Variants in KCNMB2 observed in about 807,000 individuals in gnomAD.
KCNMB2 encodes the protein potassium calcium-activated channel subfamily M regulatory beta subunit 2.
In KCNMB2, 9 loss-of-function variants were observed where a neutral mutation model predicts 24.5. The ratio of observed to expected loss-of-function variants is 0.37; its 90% CI spans 0.22 to 0.64. The LOEUF (loss-of-function observed/expected upper bound fraction) is 0.64. KCNMB2 is among the 30% of genes least tolerant of loss of function. The probability of loss-of-function intolerance (pLI) is 0.63; values close to 1 mark genes in which losing one functional copy is unlikely to be tolerated. For missense variants in KCNMB2, 226 were observed against 284.3 expected, an observed-to-expected ratio of 0.79 and a Z score of 1.47; for synonymous variants, 109 against 104.4, an observed-to-expected ratio of 1.04 and a Z score of -0.27.
intron 1 of KCNMB2, among the ~76,000 whole-genome samples, chr3:178,784,816 G>A (rs1008836283): frequency 1.4e-5 from 2 of 138,860 alleles, no homozygotes; most frequent in Admixed American, 1.5e-4. Flanking sequence ...CTTTTGCATT[G>A]TAAAAGTCTT....
intron 1 of KCNMB2, among the ~76,000 whole-genome samples, chr3:178,555,636 G>C (rs1209581077): frequency 6.6e-6 from 1 of 152,174 alleles, no homozygotes; most frequent in East Asian, 1.9e-4. Flanking sequence ...CATTTCCACT[G>C]TATTGCAGTT....
intron 2 of KCNMB2, among the ~76,000 whole-genome samples, chr3:178,810,902 CTTTT>C (rs56925343): frequency 9.3e-6 from 1 of 107,988 alleles, no homozygotes; most frequent in African/African-American, 3.7e-5. Flanking sequence ...ACCTGGCTAA[CTTTT>C]TTTTTTTTTT....
At chr3:178,823,927 T>G (rs1714732815) in intron 2 of KCNMB2, among the ~76,000 whole-genome samples, 1 of 151,638 alleles carries the variant, frequency 6.6e-6, no homozygotes, top group African/African-American at 2.4e-5. Context: ...AAAAAATGAC[T>G]TCAGTTTCTT....
At position 178,682,675 on chromosome 3, in the gene KCNMB2, CA is replaced by C. The variant is rs113899311; in HGVS notation, c.-67-124660del. ...TAAGAAACTTAAACAATTGAACAAG[CA>C]AAAAAAACCCTATTAAAAATGGGCA... On this transcript the variant is annotated intron_variant, in intron 1 of 4. Transcript: ENST00000452583. Among the ~76,000 whole-genome samples, 253 of 150,078 alleles carry C rather than the reference CA, an allele frequency of 1.7e-3. 1 individual carries two copies. Among genetic ancestry groups the C allele is most frequent in the African/African-American group, 5.9e-3 (241 of 40,880 alleles).
chr3:178,636,996 T>G (rs1477783), intron 1 of KCNMB2, among the ~76,000 whole-genome samples: 26,617 of 151,684 alleles, frequency 0.18, 2,380 homozygotes, highest in East Asian at 0.24. Flanking sequence ...GAAAATGACT[T>G]CCAACTCCAT....
intron 1 of KCNMB2, among the ~76,000 whole-genome samples, chr3:178,577,632 A>G (rs552318182): frequency 6.6e-6 from 1 of 152,350 alleles, no homozygotes; most frequent in South Asian, 2.1e-4. Context: ...AAAAAAGGTT[A>G]GAGGAATTGC....
intron 1 of KCNMB2, among the ~76,000 whole-genome samples, chr3:178,585,704 C>T (rs1403758676): frequency 6.6e-6 from 1 of 152,170 alleles, no homozygotes; most frequent in Non-Finnish European, 1.5e-5. Context: ...GAGACTTAGG[C>T]ATCTGATAAA....
chr3:178,696,379 T>A (rs534428775), intron 1 of KCNMB2, among the ~76,000 whole-genome samples: 23 of 152,352 alleles, frequency 1.5e-4, no homozygotes, highest in Admixed American at 1.4e-3. Flanking sequence ...CTAGATTGTG[T>A]GCATAGAGGT....
chr3:178,727,189 G>A (rs565706381), intron 1 of KCNMB2, among the ~76,000 whole-genome samples: 1 of 152,000 alleles, frequency 6.6e-6, no homozygotes, highest in South Asian at 2.1e-4. Flanking sequence ...TTGAATCTAC[G>A]TACTGGCCTC....
intron 1 of KCNMB2, among the ~76,000 whole-genome samples, chr3:178,793,323 CA>C (rs1713398556): frequency 6.6e-6 from 1 of 152,138 alleles, no homozygotes; most frequent in African/African-American, 2.4e-5. Context: ...GTCAGGGAAG[CA>C]GAATGATGCC....
rs60342575 is a variant in KCNMB2 at position 178,698,072 on chromosome 3, G to A, written c.-67-109271G>A. Reference sequence around the variant, plus strand: ...TTAGATGTTGGAGAATCATGATTATGTGTGTTGGGGATGATCTTGTGAAGT... The same window carrying A: ...TTAGATGTTGGAGAATCATGATTATATGTGTTGGGGATGATCTTGTGAAGT... On this transcript the variant is annotated intron_variant, in intron 1 of 4. Coordinates refer to ENST00000452583, the MANE Select transcript of KCNMB2 (RefSeq NM_181361.3). Among the ~76,000 whole-genome samples, 252 of 152,220 alleles carry A rather than the reference G, an allele frequency of 1.7e-3. 1 individual carries two copies. Among genetic ancestry groups the A allele is most frequent in the African/African-American group, 5.8e-3 (241 of 41,542 alleles).
intron 1 of KCNMB2, among the ~76,000 whole-genome samples, chr3:178,539,292 G>A (rs1343763757): frequency 6.6e-6 from 1 of 151,992 alleles, no homozygotes; most frequent in Non-Finnish European, 1.5e-5. Context: ...GCAAGAATGT[G>A]TATATAATTT....
intron 1 of KCNMB2, among the ~76,000 whole-genome samples, chr3:178,603,086 T>C (rs1052969795): frequency 3.3e-5 from 5 of 152,084 alleles, no homozygotes; most frequent in African/African-American, 1.2e-4. Flanking sequence ...TAATTGGATA[T>C]GGCAGGTGAT....
chr3:178,638,905 T>C (rs1057007500), intron 1 of KCNMB2, among the ~76,000 whole-genome samples: 7 of 152,262 alleles, frequency 4.6e-5, no homozygotes, highest in Middle Eastern at 3.4e-3. Flanking sequence ...AATTGTTAAA[T>C]AGATTTTTTA....
chr3:178,673,961 T>C (rs972881475), intron 1 of KCNMB2, among the ~76,000 whole-genome samples: 10 of 152,188 alleles, frequency 6.6e-5, no homozygotes, highest in African/African-American at 2.2e-4. Context: ...CTACCAATCG[T>C]TTTAATCATG....
chr3:178,639,008 T>C (rs1421639098), intron 1 of KCNMB2, among the ~76,000 whole-genome samples: 2 of 152,196 alleles, frequency 1.3e-5, no homozygotes, highest in Non-Finnish European at 2.9e-5. Context: ...AGATTTCATG[T>C]GTTAGATGTC....
chr3:178,565,280 G>A (rs936707918), intron 1 of KCNMB2, among the ~76,000 whole-genome samples: 5 of 152,024 alleles, frequency 3.3e-5, no homozygotes, highest in African/African-American at 1.2e-4. Flanking sequence ...AAAAAAGATG[G>A]AAAGGAATAA....
chr3:178,604,935 A>G (rs1487522834), intron 1 of KCNMB2, among the ~76,000 whole-genome samples: 1 of 152,228 alleles, frequency 6.6e-6, no homozygotes, highest in Non-Finnish European at 1.5e-5. Context: ...TAACTGTGAT[A>G]TAATAGCTTA....
Position 178,593,190 on chromosome 3 carries a change from G to T in KCNMB2, c.-68+56479G>T, listed in dbSNP as rs917285577. ...TTTTAGAGCTATTATCAATTATATG[G>T]CACATATTCAACCTGGATTAACAGA... is the stretch of plus-strand genomic sequence containing the variant. On this transcript the variant is annotated intron_variant, in intron 1 of 4. Coordinates refer to ENST00000452583, the MANE Select transcript of KCNMB2 (RefSeq NM_181361.3). Among the ~76,000 whole-genome samples, 9 of 151,786 alleles carry T rather than the reference G, an allele frequency of 5.9e-5. No homozygotes were observed. In the South Asian group the frequency reaches 1.2e-3, roughly 21 times the overall value.
Sources: allele counts gnomAD v4.1 joint callset (sites outside exome capture counted in the v4.1 genomes callset), GRCh38; gene constraint gnomAD v4.1.1; transcripts MANE v1.5; gene names NCBI Gene and HGNC (gene_info 2026-07-23, HGNC 2026-07-21).